SLCO1C1: variants seen among roughly 807,000 people sequenced by gnomAD.
The protein encoded by SLCO1C1 is solute carrier organic anion transporter family member 1C1, also known as OAT-RP-5.
SLCO1C1 carries 70 observed loss-of-function variants against 76.4 expected under a neutral mutation model. The observed-to-expected ratio is 0.92, with a 90% CI of 0.76 to 1.12. The LOEUF is 1.12. SLCO1C1 is among the 50% of genes most tolerant of loss of function. SLCO1C1 has a pLI of 0.00. For missense variants in SLCO1C1, 912 were observed against 823.8 expected (o/e 1.11, Z -1.31); for synonymous variants, 306 against 286.1 (o/e 1.07, Z -0.70).
intron 1 of SLCO1C1, among the ~76,000 whole-genome samples, chr12:20,699,152 G>A (rs959346): frequency 0.5 from 76,414 of 151,848 alleles, 20,594 homozygotes; most frequent in East Asian, 0.74. Context: ...TAGATTTAAA[G>A]GCTTTAAAGA....
chr12:20,732,608 A>G (rs1948338011), intron 9 of SLCO1C1, among the ~76,000 whole-genome samples: 1 of 152,164 alleles, frequency 6.6e-6, no homozygotes, highest in Admixed American at 6.6e-5. Context: ...ATGGGCACCT[A>G]ATTGCTACCT....
At position 20,720,430 on chromosome 12, in the gene SLCO1C1, T is replaced by C. The variant is rs534265347; in HGVS notation, c.776-1374T>C. ...ATCAGTAGTGATTTCTAATGATTTC[T>C]AGTGATTTCTAATCTAGACAAAGTA... is the stretch of plus-strand genomic sequence containing the variant. On this transcript the variant is annotated intron_variant, in intron 7 of 14. Transcript: ENST00000266509. 6.6e-5 allele frequency among the ~76,000 whole-genome samples: 10 copies of C among 152,320 alleles called. No homozygotes were observed. The East Asian group carries it at 1.7e-3, about 26-fold the overall frequency.
rs139978368 is a variant in SLCO1C1, at chr12:20,740,419, C to T, written c.1733+51C>T. 3.8e-4 allele frequency: 584 copies of T among 1,524,128 alleles called. 2 individuals carry two copies. In the African/African-American group the frequency reaches 7.3e-3, roughly 19 times the overall value. The allele number at this position is 1,524,128 out of a possible 1,614,324, so 94.4% of individuals were successfully genotyped here. ...ATTTTAACACAAGACACAATCATCT[C>T]GAGCAATGATTTAAATTTTTTTCTG... On this transcript the variant is annotated intron_variant, in intron 12 of 14. Coordinates refer to ENST00000266509, the MANE Select transcript of SLCO1C1 (RefSeq NM_017435.5).
intron 7 of SLCO1C1, 68 bp downstream of exon 7, chr12:20,717,298 T>C (rs550081924): frequency 2.4e-6 from 3 of 1,256,728 alleles, no homozygotes; most frequent in East Asian, 2.6e-5. Context: ...GGGAACAGTG[T>C]GGAAATTATC....
At chr12:20,713,165 C>T (rs1431711190) in intron 5 of SLCO1C1, among the ~76,000 whole-genome samples, 2 of 150,734 alleles carry the variant, frequency 1.3e-5, no homozygotes, top group Non-Finnish European at 3.0e-5. Flanking sequence ...CTGCAAGCTC[C>T]GCCTCCCGGG....
At position 20,734,799 on chromosome 12, in the gene SLCO1C1, A is replaced by G. The variant is rs186518544; in HGVS notation, c.1382+1695A>G. Reference sequence around the variant, plus strand: ...GAGTGAGTACTAGCCTCTTCAAAGGAGTCACCTTGAAAGACTATAATTGTA... The same window carrying G: ...GAGTGAGTACTAGCCTCTTCAAAGGGGTCACCTTGAAAGACTATAATTGTA... On this transcript the variant is annotated intron_variant, in intron 10 of 14. Coordinates refer to ENST00000266509, the MANE Select transcript of SLCO1C1 (RefSeq NM_017435.5). 3.3e-4 allele frequency among the ~76,000 whole-genome samples: 51 copies of G among 152,334 alleles called. 1 individual carries two copies. The highest frequency in any genetic ancestry group is 6.2e-4 in the Non-Finnish European group (42 of 68,018).
chr12:20,751,505 A>C (rs111838388), intron 14 of SLCO1C1, among the ~76,000 whole-genome samples: 7 of 152,308 alleles, frequency 4.6e-5, no homozygotes, highest in African/African-American at 1.7e-4. Context: ...TGAACCATCT[A>C]AGTTGGATGT....
At chr12:20,699,909 T>C (rs1031507198) in intron 2 of SLCO1C1, 5 of 414,544 alleles carry the variant, frequency 1.2e-5, no homozygotes, top group Non-Finnish European at 1.6e-5. Flanking sequence ...CCTGGGCTCA[T>C]TTAAATGCCC....
intron 7 of SLCO1C1, among the ~76,000 whole-genome samples, chr12:20,720,571 AG>A (rs1358491046): frequency 6.6e-6 from 1 of 152,246 alleles, no homozygotes; most frequent in Non-Finnish European, 1.5e-5. Flanking sequence ...AATTGATTTC[AG>A]CCCTCCTGGA....
chr12:20,730,190 A>G (rs1948204357), intron 9 of SLCO1C1, among the ~76,000 whole-genome samples: 1 of 152,126 alleles, frequency 6.6e-6, no homozygotes. Context: ...TTATTCATAA[A>G]CCAATTTTGG....
At position 20,734,858 on chromosome 12, in the gene SLCO1C1, A is replaced by G. The variant is rs142820350; in HGVS notation, c.1382+1754A>G. ...ATGCTACTGTTGTTTAAAATATTCT[A>G]AGACTCTTATTTTGAATTTCTTTGT... On this transcript the variant is annotated intron_variant, in intron 10 of 14. Transcript: ENST00000266509. Among the ~76,000 whole-genome samples, 17 of 152,310 alleles carry G rather than the reference A, an allele frequency of 1.1e-4. No homozygotes were observed. In the East Asian group the frequency reaches 3.3e-3, roughly 29 times the overall value.
rs1949365649 is a variant in SLCO1C1, at chr12:20,752,593, T to C, written c.*65T>C. 1 of 1,310,638 alleles carries C rather than the reference T, an allele frequency of 7.6e-7. No individual in the cohort carries two copies. 81.2% of individuals were successfully genotyped at this position (1,310,638 alleles called of 1,614,324 possible). On this transcript the variant is annotated 3_prime_UTR_variant, in exon 15 of 15. Coordinates refer to ENST00000266509, the MANE Select transcript of SLCO1C1 (RefSeq NM_017435.5). ...CATTTTGCAAACAAATAAATTGTAATCAAAAGAGCTCTAAATTTGTAATTT... is the reference window on the plus strand; with the variant it reads ...CATTTTGCAAACAAATAAATTGTAACCAAAAGAGCTCTAAATTTGTAATTT...
intron 5 of SLCO1C1, among the ~76,000 whole-genome samples, chr12:20,712,908 G>T (rs577147649): frequency 6.6e-6 from 1 of 152,150 alleles, no homozygotes; most frequent in African/African-American, 2.4e-5. Flanking sequence ...ATGAAAGGGG[G>T]TAATAGATAT....
intron 9 of SLCO1C1, among the ~76,000 whole-genome samples, chr12:20,724,739 ATATCT>A (rs1172338765): frequency 1.4e-5 from 2 of 147,892 alleles, no homozygotes; most frequent in African/African-American, 4.9e-5. Flanking sequence ...ATGCTATGTC[ATATCT>A]TATTACATAA....
At chr12:20,750,969 G>T in intron 14 of SLCO1C1, 177 bp downstream of exon 14, 1 of 1,276,770 alleles carries the variant, frequency 7.8e-7, no homozygotes, top group South Asian at 1.5e-5. Flanking sequence ...TTAGATCTTT[G>T]ATTTTGTCCC....
intron 3 of SLCO1C1, among the ~76,000 whole-genome samples, chr12:20,705,480 G>C (rs1275960135): frequency 6.6e-6 from 1 of 151,870 alleles, no homozygotes; most frequent in African/African-American, 2.4e-5. Flanking sequence ...TTCATTTAAA[G>C]TACAGTTGTG....
chr12:20,752,319 G>T lies in SLCO1C1; in HGVS notation c.1930G>T (p.Gly644Ter), dbSNP rs1395333181. Reference sequence around the variant, plus strand: ...CTCTTCTTCTAGACATATATATCTGGGACTAACTGTGATACTGGGCACAGT... The same window carrying T: ...CTCTTCTTCTAGACATATATATCTGTGACTAACTGTGATACTGGGCACAGT... ...DSNVFRHIYL[G>*]LTVILGTVSI... The change falls in exon 15 of 15, where the codon GGA (glycine) becomes TGA (stop). Residue 644 changes from glycine to a stop codon, truncating the protein, a stop_gained. Transcript: ENST00000266509. LOFTEE classifies it low-confidence loss of function (END_TRUNC). 10 of 1,587,946 alleles carry T rather than the reference G, an allele frequency of 6.3e-6. No homozygotes were observed. Among genetic ancestry groups the T allele is most frequent in the Non-Finnish European group, 8.6e-6 (10 of 1,164,658 alleles).
At chr12:20,719,687 T>C (rs1047881087) in intron 7 of SLCO1C1, among the ~76,000 whole-genome samples, 46 of 152,328 alleles carry the variant, frequency 3.0e-4, no homozygotes, top group Non-Finnish European at 4.1e-4. Context: ...TCATTAATTC[T>C]ATAAAGGCTG....
chr12:20,737,340 G>A, intron 11 of SLCO1C1, 68 bp downstream of exon 11: 3 of 1,466,310 alleles, frequency 2.0e-6, no homozygotes, highest in Non-Finnish European at 2.7e-6. Context: ...ACTCTATGGG[G>A]GCTCACAGCA....
Sources: gnomAD v4.1 joint callset for allele counts (sites outside exome capture counted in the v4.1 genomes callset) on GRCh38, gnomAD v4.1.1 for gene constraint, MANE v1.5 for transcripts, NCBI Gene and HGNC (gene_info 2026-07-23, HGNC 2026-07-21) for gene names.